The following ARID5B variants were observed in gnomAD, a reference collection of about 807,000 sequenced individuals.
The protein encoded by ARID5B is AT-rich interactive domain-containing protein 5B.
ARID5B carries 13 observed loss-of-function variants against 97.2 expected under a neutral mutation model. That is an observed-to-expected ratio of 0.13 (90% CI 0.09 to 0.21). ARID5B has a LOEUF of 0.21. Among genes scored for constraint, ARID5B ranks in the 10% least tolerant of loss-of-function variants. ARID5B has a pLI of 1.00. For missense variants in ARID5B, 1,210 were observed against 1,465.3 expected (o/e 0.83, Z 2.84); for synonymous variants, 556 against 570.3 (o/e 0.97, Z 0.36).
chr10:62,029,272 T>C (rs559928321), intron 4 of ARID5B, among the ~76,000 whole-genome samples: 154 of 152,334 alleles, frequency 1.0e-3, no homozygotes, highest in African/African-American at 3.7e-3. Flanking sequence ...ATGCCATGCC[T>C]TCTCTTTATC....
intron 2 of ARID5B, among the ~76,000 whole-genome samples, chr10:61,911,865 T>C (rs1843810779): frequency 6.6e-6 from 1 of 152,192 alleles, no homozygotes; most frequent in Non-Finnish European, 1.5e-5. Flanking sequence ...TAAGAGTTTT[T>C]TTAGCATGAG....
intron 8 of ARID5B, among the ~76,000 whole-genome samples, chr10:62,085,432 A>AATCACTCCCC (rs1840267653): frequency 6.6e-6 from 1 of 152,170 alleles, no homozygotes; most frequent in Non-Finnish European, 1.5e-5. Context: ...TGATATTGTT[A>AATCACTCCCC]ATGTTGGATG....
At chr10:61,986,559 A>G (rs1838849940) in intron 3 of ARID5B, among the ~76,000 whole-genome samples, 1 of 152,058 alleles carries the variant, frequency 6.6e-6, no homozygotes, top group African/African-American at 2.4e-5. Flanking sequence ...GAGGGTGAGG[A>G]AGCGGATGGG....
intron 3 of ARID5B, among the ~76,000 whole-genome samples, chr10:61,993,649 G>A (rs1308264063): frequency 6.6e-6 from 1 of 152,114 alleles, no homozygotes; most frequent in African/African-American, 2.4e-5. Context: ...AATAAAAAAT[G>A]CATGGACAGA....
At chr10:61,963,049 C>CA (rs1838494336) in intron 3 of ARID5B, among the ~76,000 whole-genome samples, 1 of 151,636 alleles carries the variant, frequency 6.6e-6, no homozygotes, top group Non-Finnish European at 1.5e-5. Flanking sequence ...ATGTGCAACT[C>CA]TACCAATGGA....
At chr10:62,009,266 T>C (rs1839186465) in intron 4 of ARID5B, among the ~76,000 whole-genome samples, 1 of 152,194 alleles carries the variant, frequency 6.6e-6, no homozygotes, top group South Asian at 2.1e-4. Context: ...GGTGCCATCT[T>C]GGAGGACTAA....
At chr10:61,915,331 G>A (rs927093053) in intron 2 of ARID5B, among the ~76,000 whole-genome samples, 2 of 152,178 alleles carry the variant, frequency 1.3e-5, no homozygotes, top group Non-Finnish European at 2.9e-5. Flanking sequence ...CACAAACAAA[G>A]GGTGATTCTG....
At chr10:61,991,984 A>G (rs1838931543) in intron 3 of ARID5B, among the ~76,000 whole-genome samples, 3 of 152,018 alleles carry the variant, frequency 2.0e-5, no homozygotes, top group Admixed American at 2.0e-4. Flanking sequence ...GTGAGCTGAG[A>G]TCACGCTATG....
chr10:61,985,619 T>G (rs549533252), intron 3 of ARID5B, among the ~76,000 whole-genome samples: 1 of 151,922 alleles, frequency 6.6e-6, no homozygotes, highest in East Asian at 1.9e-4. Flanking sequence ...TTGATTGGAG[T>G]GATGGTTGCA....
At chr10:61,958,794 G>T (rs2132819588) in intron 3 of ARID5B, among the ~76,000 whole-genome samples, 2 of 152,270 alleles carry the variant, frequency 1.3e-5, no homozygotes, top group Non-Finnish European at 2.9e-5. Flanking sequence ...AGTGCATAGT[G>T]GTTCATTTTG....
Position 61,984,032 on chromosome 10 carries a change from C to G in ARID5B, c.503-16059C>G, listed in dbSNP as rs202241142. 1.6e-4 allele frequency among the ~76,000 whole-genome samples: 4 copies of G among 24,288 alleles called. 2 individuals are homozygous for G. In the East Asian group the frequency reaches 5.8e-3, roughly 36 times the overall value. 15.9% of individuals were successfully genotyped at this position (24,288 alleles called of 152,430 possible). On this transcript the variant is annotated intron_variant, in intron 3 of 9. Transcript: ENST00000279873. ...CCTCCCGAGTAGCTGGGACTACAGG[C>G]GCCCCTTTTGTTCTTACTGTTGTAC...
chr10:62,075,182 G>GAGCC (rs1840111776), intron 8 of ARID5B, among the ~76,000 whole-genome samples: 2 of 152,220 alleles, frequency 1.3e-5, no homozygotes. Flanking sequence ...CCGGGCCAGA[G>GAGCC]AGCCCAAAGG....
intron 2 of ARID5B, among the ~76,000 whole-genome samples, chr10:61,934,284 T>C (rs1844260892): frequency 6.6e-6 from 1 of 152,234 alleles, no homozygotes; most frequent in Non-Finnish European, 1.5e-5. Context: ...CCACTAAAAC[T>C]TTCTCCATAT....
At chr10:61,901,961 G>T (rs1047475121) in intron 1 of ARID5B, among the ~76,000 whole-genome samples, 198 bp from the exon 2 acceptor site, 5 of 147,508 alleles carry the variant, frequency 3.4e-5, no homozygotes, top group African/African-American at 1.2e-4. Context: ...AAGTGGCGGT[G>T]GGGGGCCCTG....
intron 2 of ARID5B, among the ~76,000 whole-genome samples, chr10:61,920,605 A>G (rs1336004187): frequency 1.3e-5 from 2 of 152,088 alleles, no homozygotes; most frequent in African/African-American, 2.4e-5. Flanking sequence ...CAAATAAAAG[A>G]TGACTCTTAA....
chr10:61,957,272 TTTG>T (rs758152626), intron 3 of ARID5B, among the ~76,000 whole-genome samples: 2 of 152,322 alleles, frequency 1.3e-5, no homozygotes, highest in East Asian at 1.9e-4. Context: ...GTCTTGTTTT[TTTG>T]TTGTTGTTGT....
chr10:61,943,472 C>G (rs10994978), intron 3 of ARID5B, among the ~76,000 whole-genome samples: 1 of 147,154 alleles, frequency 6.8e-6, no homozygotes, highest in Non-Finnish European at 1.5e-5. Context: ...TATTTGAGGC[C>G]CCCCCCCTTT....
At chr10:61,947,861 G>T (rs577856396) in intron 3 of ARID5B, among the ~76,000 whole-genome samples, 1 of 152,272 alleles carries the variant, frequency 6.6e-6, no homozygotes, top group Non-Finnish European at 1.5e-5. Context: ...CCAGGTACTT[G>T]TACTGCCATC....
At chr10:61,919,555 T>A (rs1589218940) in intron 2 of ARID5B, among the ~76,000 whole-genome samples, 1 of 152,214 alleles carries the variant, frequency 6.6e-6, no homozygotes, top group Admixed American at 6.5e-5. Flanking sequence ...TTTGGATTAA[T>A]CCCACAGTGT....
Sources: allele counts gnomAD v4.1 joint callset (sites outside exome capture counted in the v4.1 genomes callset), GRCh38; gene constraint gnomAD v4.1.1; transcripts MANE v1.5; gene names NCBI Gene and HGNC (gene_info 2026-07-23, HGNC 2026-07-21).